The following APBA1 variants were observed in gnomAD, a reference collection of about 807,000 sequenced individuals.
APBA1 encodes the protein amyloid-beta A4 precursor protein-binding family A member 1.
Under a neutral mutation model 86.6 loss-of-function variants are expected in APBA1, and 55 were observed. The ratio of observed to expected loss-of-function variants is 0.64; its 90% CI spans 0.51 to 0.80. APBA1 has a LOEUF of 0.80. Among genes scored for constraint, APBA1 ranks in the 30% least tolerant of loss-of-function variants. The pLI is 0.00. For missense variants in APBA1, 1,090 were observed against 1,183.0 expected, an observed-to-expected ratio of 0.92 and a Z score of 1.15; for synonymous variants, 511 against 493.9, an observed-to-expected ratio of 1.03 and a Z score of -0.46.
At chr9:69,525,254 T>G (rs1396555522) in intron 1 of APBA1, among the ~76,000 whole-genome samples, 1 of 152,068 alleles carries the variant, frequency 6.6e-6, no homozygotes, top group African/African-American at 2.4e-5. Flanking sequence ...AGAAACTAAT[T>G]AAAGGCATCA....
rs1761283 is a variant in APBA1 at position 69,427,854 on chromosome 9, C to T, written c.*3473G>A. 2.6e-4 allele frequency: 39 copies of T among 152,154 alleles called. No homozygotes were observed. The highest frequency in any genetic ancestry group is 8.7e-4 in the African/African-American group (36 of 41,476). 9.4% of individuals were successfully genotyped at this position (152,154 alleles called of 1,614,324 possible). ...TACAAATACAATACTATACTTCTCC[C>T]GACACTTTACAATAAGCTCTATTTC... is the stretch of plus-strand genomic sequence containing the variant. On this transcript the variant is annotated 3_prime_UTR_variant, in exon 13 of 13. Transcript: ENST00000265381.
chr9:69,533,142 C>A (rs1428183648), intron 1 of APBA1, among the ~76,000 whole-genome samples: 1 of 152,104 alleles, frequency 6.6e-6, no homozygotes, highest in African/African-American at 2.4e-5. Flanking sequence ...AAGCTCAGAT[C>A]ATCATGTAAT....
At chr9:69,588,394 T>C (rs547850764) in intron 1 of APBA1, among the ~76,000 whole-genome samples, 3 of 151,592 alleles carry the variant, frequency 2.0e-5, no homozygotes, top group Non-Finnish European at 2.9e-5. Flanking sequence ...GGCAAGTTCA[T>C]GATTTTTTTT....
intron 1 of APBA1, among the ~76,000 whole-genome samples, chr9:69,550,338 C>T (rs537818186): frequency 1.3e-5 from 2 of 152,240 alleles, no homozygotes; most frequent in African/African-American, 4.8e-5. Flanking sequence ...CTTTTAAATG[C>T]TCTCTGGAAT....
chr9:69,614,149 C>T (rs941582065), intron 1 of APBA1, among the ~76,000 whole-genome samples: 7 of 152,050 alleles, frequency 4.6e-5, no homozygotes, highest in Admixed American at 2.6e-4. Flanking sequence ...TGTAGTTAAA[C>T]GAATAACTAT....
Position 69,647,127 on chromosome 9 carries a change from G to A in APBA1, c.-70+25026C>T, listed in dbSNP as rs145094003. Among the ~76,000 whole-genome samples the A allele has an allele frequency of 1.0e-3, 152 of 152,238 alleles. No individual in the cohort carries two copies. The Middle Eastern group carries it at 0.01, about 10-fold the overall frequency. On this transcript the variant is annotated intron_variant, in intron 1 of 12. Transcript: ENST00000265381. ...CTTAATAACAGCAATATAAAACCTC[G>A]ATTATCTAATAAAATATCCCAGACT...
chr9:69,657,980 T>C (rs974694430), intron 1 of APBA1, among the ~76,000 whole-genome samples: 4 of 152,192 alleles, frequency 2.6e-5, no homozygotes, highest in African/African-American at 9.6e-5. Flanking sequence ...ACCCCAGGGA[T>C]GCAGGCCTAC....
rs538225006 is a variant in APBA1 at position 69,608,417 on chromosome 9, A to G, written c.-70+63736T>C. On this transcript the variant is annotated intron_variant, in intron 1 of 12. Transcript: ENST00000265381. ...AATTACTCAAAAGGAAAGGGGGAGT[A>G]GGTGAAGCAGCAGACCTATAACGAA... Among the ~76,000 whole-genome samples, 3 of 152,318 alleles carry G rather than the reference A, an allele frequency of 2.0e-5. No homozygotes were observed. In the South Asian group the frequency reaches 6.2e-4, roughly 32 times the overall value.
chr9:69,516,643 A>T lies in APBA1; in HGVS notation c.568T>A (p.Tyr190Asn). The change falls in exon 2 of 13, where the codon TAC (tyrosine) becomes AAC (asparagine). Residue 190 changes from tyrosine (Y) to asparagine (N), a missense_variant. Transcript: ENST00000265381. The surrounding 1 kb of genome is among the most constrained non-coding windows in gnomAD (Gnocchi z 7.3). ...DEPYSEPYADYGGLQEHVYEE... is the reference protein window; with the variant it reads ...DEPYSEPYADNGGLQEHVYEE... ...TACACGTGCTCCTGGAGGCCGCCGT[A>T]GTCGGCATAGGGCTCGGAGTAGGGC... 6.2e-7 allele frequency: 1 copy of T among 1,608,974 alleles called. No homozygotes were observed. Among genetic ancestry groups the T allele is most frequent in the East Asian group, 2.2e-5 (1 of 44,772 alleles).
At chr9:69,499,592 A>C (rs1835850249) in intron 2 of APBA1, among the ~76,000 whole-genome samples, 2 of 151,802 alleles carry the variant, frequency 1.3e-5, no homozygotes, top group African/African-American at 2.4e-5. Context: ...GGTCGACAGG[A>C]TAAGAGGCTC....
chr9:69,432,272 G>A (rs1035356208), intron 12 of APBA1, among the ~76,000 whole-genome samples: 3 of 152,238 alleles, frequency 2.0e-5, no homozygotes, highest in African/African-American at 7.2e-5. Flanking sequence ...ACAGAAAGCT[G>A]AGTGTTAAAA....
At chr9:69,449,862 C>T (rs781165894) in intron 9 of APBA1, 66 bp from the exon 10 acceptor site, 45 of 1,422,578 alleles carry the variant, frequency 3.2e-5, no homozygotes, top group Non-Finnish European at 3.9e-5. Flanking sequence ...GAAATGAAAG[C>T]CTCTCCCCCA....
intron 2 of APBA1, among the ~76,000 whole-genome samples, chr9:69,496,645 T>A (rs1374589171): frequency 1.3e-5 from 2 of 152,142 alleles, no homozygotes; most frequent in African/African-American, 4.8e-5. Flanking sequence ...CTAGCCACCA[T>A]TCTAGAAAGC....
intron 2 of APBA1, among the ~76,000 whole-genome samples, chr9:69,496,161 G>A (rs1835791338): frequency 6.6e-6 from 1 of 152,128 alleles, no homozygotes; most frequent in Non-Finnish European, 1.5e-5. Flanking sequence ...GCAGCAGTGT[G>A]GTTCTGAAGG....
intron 1 of APBA1, among the ~76,000 whole-genome samples, chr9:69,649,490 T>A (rs1391891944): frequency 6.6e-6 from 1 of 152,046 alleles, no homozygotes; most frequent in Non-Finnish European, 1.5e-5. Context: ...CAGGTCTTCC[T>A]GCCACATGCT....
intron 1 of APBA1, among the ~76,000 whole-genome samples, chr9:69,662,147 A>G (rs1379063014): frequency 1.3e-5 from 2 of 152,062 alleles, no homozygotes; most frequent in African/African-American, 4.8e-5. Flanking sequence ...AGAGGACAGA[A>G]TAGACTCCAG....
At chr9:69,505,317 C>T (rs957872136) in intron 2 of APBA1, among the ~76,000 whole-genome samples, 11 of 152,000 alleles carry the variant, frequency 7.2e-5, no homozygotes, top group Non-Finnish European at 1.0e-4. Flanking sequence ...TAGCTGCTCC[C>T]GCTTGGAAGC....
At chr9:69,451,370 G>A (rs1835005846) in intron 9 of APBA1, among the ~76,000 whole-genome samples, 1 of 152,208 alleles carries the variant, frequency 6.6e-6, no homozygotes. Context: ...GACCCCAGTG[G>A]ATCAAATGAT....
At chr9:69,623,700 T>C (rs985555076) in intron 1 of APBA1, among the ~76,000 whole-genome samples, 5 of 152,198 alleles carry the variant, frequency 3.3e-5, no homozygotes, top group African/African-American at 1.2e-4. Flanking sequence ...TTTGGGAGGC[T>C]TGGGGTGGAG....
Sources: allele counts gnomAD v4.1 joint callset (sites outside exome capture counted in the v4.1 genomes callset), GRCh38; gene constraint gnomAD v4.1.1; non-coding constraint Gnocchi (gnomAD v3.1); transcripts MANE v1.5; gene names NCBI Gene and HGNC (gene_info 2026-07-23, HGNC 2026-07-21).